CADPS2: variants seen among roughly 807,000 people sequenced by gnomAD.
CADPS2 encodes calcium-dependent secretion activator 2.
Under a neutral mutation model 172.5 loss-of-function variants are expected in CADPS2, and 93 were observed. The ratio of observed to expected loss-of-function variants is 0.54; its 90% CI spans 0.46 to 0.64. The LOEUF is 0.64. Ranked by LOEUF, CADPS2 falls within the 30% of genes least tolerant of loss-of-function variation. The probability of loss-of-function intolerance (pLI) is 0.00; values close to 1 mark genes in which losing one functional copy is unlikely to be tolerated. For synonymous variants in CADPS2, 546 were observed against 555.2 expected (o/e 0.98, Z 0.23); for missense variants, 1,420 against 1,565.9 (o/e 0.91, Z 1.57).
At chr7:122,861,048 A>G (rs781460433) in intron 1 of CADPS2, among the ~76,000 whole-genome samples, 4 of 152,232 alleles carry the variant, frequency 2.6e-5, no homozygotes, top group Non-Finnish European at 5.9e-5. Context: ...TATTGTGTAC[A>G]GTACTGTAGT....
intron 27 of CADPS2, among the ~76,000 whole-genome samples, chr7:122,353,273 T>C (rs979808593): frequency 6.6e-6 from 1 of 152,022 alleles, no homozygotes; most frequent in Non-Finnish European, 1.5e-5. Context: ...AGTACAGAGG[T>C]GGGTAAGAAC....
At chr7:122,561,411 G>T (rs2065762632) in intron 7 of CADPS2, among the ~76,000 whole-genome samples, 1 of 151,914 alleles carries the variant, frequency 6.6e-6, no homozygotes, top group South Asian at 2.1e-4. Flanking sequence ...ATCCTAAGTG[G>T]ATATATTTTC....
In CADPS2 at chr7:122,681,383, T is replaced by C. The variant is rs928829470; in HGVS notation, c.454-17814A>G. On this transcript the variant is annotated intron_variant, in intron 2 of 29. Transcript: ENST00000449022. ...GCGGCCACGTGCAACCTGTTCGCTG[T>C]ACTAACTGTGCCCGATGCGTGCCCA... is the stretch of plus-strand genomic sequence containing the variant. 5.3e-6 allele frequency: 8 copies of C among 1,497,896 alleles called. No homozygotes were observed. The East Asian group carries it at 6.8e-5, about 13-fold the overall frequency. The allele number at this position is 1,497,896 out of a possible 1,614,324, so 92.8% of individuals were successfully genotyped here. A position where few individuals can be genotyped will look rare whatever the true frequency, so the allele number is the denominator to read the frequency against.
chr7:122,344,739 G>A (rs1395055284), intron 28 of CADPS2, among the ~76,000 whole-genome samples: 1 of 152,092 alleles, frequency 6.6e-6, no homozygotes, highest in Non-Finnish European at 1.5e-5. Context: ...GCTGCAAAAG[G>A]CAAGTGAAAA....
intron 1 of CADPS2, among the ~76,000 whole-genome samples, chr7:122,782,194 T>C (rs568454551): frequency 2.6e-5 from 4 of 152,310 alleles, no homozygotes; most frequent in Non-Finnish European, 5.9e-5. Context: ...TCCATAATTC[T>C]ACTTTTTAAA....
At chr7:122,719,463 C>A (rs932330201) in intron 2 of CADPS2, among the ~76,000 whole-genome samples, 1 of 152,102 alleles carries the variant, frequency 6.6e-6, no homozygotes, top group East Asian at 1.9e-4. Context: ...CTGGCATGTG[C>A]AATGACGCCA....
intron 1 of CADPS2, among the ~76,000 whole-genome samples, chr7:122,874,345 C>G (rs1429561554): frequency 6.6e-6 from 1 of 152,090 alleles, no homozygotes; most frequent in Non-Finnish European, 1.5e-5. Flanking sequence ...AGGACCTCTT[C>G]AAGGAGAACT....
intron 1 of CADPS2, among the ~76,000 whole-genome samples, chr7:122,830,776 T>C (rs1459474060): frequency 6.6e-6 from 1 of 152,134 alleles, no homozygotes; most frequent in Non-Finnish European, 1.5e-5. Flanking sequence ...ACAAAATATC[T>C]CTTTTAGCTA....
intron 1 of CADPS2, among the ~76,000 whole-genome samples, chr7:122,759,535 G>C (rs1184367041): frequency 6.6e-6 from 1 of 152,080 alleles, no homozygotes; most frequent in Non-Finnish European, 1.5e-5. Context: ...TAGTGTTTCT[G>C]AGTTCTCAGA....
chr7:122,646,343 A>T (rs111257126), intron 3 of CADPS2, among the ~76,000 whole-genome samples: 302 of 152,272 alleles, frequency 2.0e-3, no homozygotes, highest in African/African-American at 6.9e-3. Context: ...TCAAAGAGGC[A>T]TATGTAAACA....
At chr7:122,334,249 T>C (rs541727662) in intron 28 of CADPS2, among the ~76,000 whole-genome samples, 3 of 152,216 alleles carry the variant, frequency 2.0e-5, no homozygotes, top group East Asian at 3.9e-4. Context: ...CACTATGAGT[T>C]CAGATGTTGA....
Position 122,885,936 on chromosome 7 carries a change from G to C in CADPS2, c.339+63C>G, listed in dbSNP as rs758074050. 7 of 1,529,312 alleles carry C rather than the reference G, an allele frequency of 4.6e-6. No individual in the cohort carries two copies. The Admixed American group carries it at 5.8e-5, about 13-fold the overall frequency. 94.7% of individuals were successfully genotyped at this position (1,529,312 alleles called of 1,614,324 possible). On this transcript the variant is annotated intron_variant, in intron 1 of 29. Transcript: ENST00000449022. ...GCAGAAGGACGGGAGGCGTCCCAGAGCTCTCCCGGGAGAAAAACCCAGGGA... is the reference window on the plus strand; with the variant it reads ...GCAGAAGGACGGGAGGCGTCCCAGACCTCTCCCGGGAGAAAAACCCAGGGA...
intron 3 of CADPS2, among the ~76,000 whole-genome samples, chr7:122,651,550 T>C (rs2079147585): frequency 6.6e-6 from 1 of 152,196 alleles, no homozygotes; most frequent in Non-Finnish European, 1.5e-5. Context: ...TTCACAAATA[T>C]TTCTGCTTAT....
intron 25 of CADPS2, among the ~76,000 whole-genome samples, chr7:122,373,576 T>C (rs2151289822): frequency 6.6e-6 from 1 of 152,258 alleles, no homozygotes; most frequent in East Asian, 1.9e-4. Flanking sequence ...ATCCAGGGCT[T>C]TTCCTGCTGA....
chr7:122,515,803 AACTT>A (rs1263059947), intron 8 of CADPS2, among the ~76,000 whole-genome samples: 1 of 151,108 alleles, frequency 6.6e-6, no homozygotes, highest in Non-Finnish European at 1.5e-5. Flanking sequence ...TGTACCCTAA[AACTT>A]AAAAGTATAA....
intron 1 of CADPS2, among the ~76,000 whole-genome samples, chr7:122,754,475 CTTTTTTCT>C (rs1000408698): frequency 3.3e-5 from 5 of 151,980 alleles, no homozygotes; most frequent in African/African-American, 1.2e-4. Flanking sequence ...CATGAAATGT[CTTTTTTCT>C]TTTTTTCTTT....
At chr7:122,369,319 A>G (rs979574967) in intron 25 of CADPS2, among the ~76,000 whole-genome samples, 2 of 151,264 alleles carry the variant, frequency 1.3e-5, no homozygotes, top group Admixed American at 6.6e-5. Context: ...TTTTAGTAGA[A>G]ACGGGGTTTC....
At chr7:122,769,109 C>G (rs993511921) in intron 1 of CADPS2, among the ~76,000 whole-genome samples, 3 of 152,188 alleles carry the variant, frequency 2.0e-5, no homozygotes, top group Admixed American at 6.5e-5. Context: ...GTGAGTAAGA[C>G]AACTGTAAGT....
At chr7:122,658,457 T>C (rs893785255) in intron 3 of CADPS2, among the ~76,000 whole-genome samples, 10 of 152,232 alleles carry the variant, frequency 6.6e-5, no homozygotes, top group African/African-American at 2.2e-4. Context: ...ATTGAGGCAC[T>C]ATTCACAATA....
Sources: allele counts gnomAD v4.1 joint callset (sites outside exome capture counted in the v4.1 genomes callset), GRCh38; gene constraint gnomAD v4.1.1; transcripts MANE v1.5; gene names NCBI Gene and HGNC (gene_info 2026-07-23, HGNC 2026-07-21).